Variants in SLC9A1 observed in about 807,000 individuals in gnomAD.
SLC9A1 encodes the protein sodium/hydrogen exchanger 1.
Under a neutral mutation model 67.9 loss-of-function variants are expected in SLC9A1, and 22 were observed. The observed-to-expected ratio is 0.32, with a 90% CI of 0.23 to 0.46. The LOEUF is 0.46. SLC9A1 is among the 20% of genes least tolerant of loss of function. The pLI, the probability that SLC9A1 is intolerant of heterozygous loss-of-function variation, is 1.00. For synonymous variants in SLC9A1, 421 were observed against 471.8 expected (o/e 0.89, Z 1.40); for missense variants, 686 against 1,094.8 (o/e 0.63, Z 5.27).
In SLC9A1 at chr1:27,100,589, A is replaced by T. The variant is rs1045136024; in HGVS notation, c.2166T>A (p.Ala722=). Residue 722 remains alanine (A), a synonymous_variant, in exon 12 of 12, where the codon GCT becomes GCA. Coordinates refer to ENST00000263980, the MANE Select transcript of SLC9A1 (RefSeq NM_003047.5). This position sits in a 1 kb window ranked among gnomAD's most constrained non-coding sequence, Gnocchi z 5.6. The part of the protein sequence containing the change: ...EDLPVITIDP[A]SPQSPESVDL... The stretch of plus-strand genomic sequence containing the variant: ...CCACAGACTCGGGTGACTGCGGGGA[A>T]GCCGGGTCGATGGTGATGACAGGCA... 11 of 1,613,630 alleles carry T rather than the reference A, an allele frequency of 6.8e-6. No homozygotes were observed. The African/African-American group carries it at 1.2e-4, about 18-fold the overall frequency.
At chr1:27,123,676 A>T (rs1211691891) in intron 1 of SLC9A1, among the ~76,000 whole-genome samples, 1 of 147,518 alleles carries the variant, frequency 6.8e-6, no homozygotes, top group African/African-American at 2.5e-5. Context: ...ACACCTGGCT[A>T]ATTTTTGTGT....
chr1:27,153,997 C>T lies in SLC9A1; in HGVS notation c.338G>A (p.Cys113Tyr), dbSNP rs746288802. The T allele has an allele frequency of 6.4e-7, 1 of 1,560,314 alleles. No individual in the cohort carries two copies. The highest frequency in any genetic ancestry group is 8.7e-7 in the Non-Finnish European group (1 of 1,148,056). ...ACGGGACTTACCTATCTTCATGAGG[C>T]AGGCCAGAAGGATCCAGAGGGAGAT... Reference protein sequence around the residue: ...FEISLWILLACLMKIGFHVIP... With the variant: ...FEISLWILLAYLMKIGFHVIP... Residue 113 changes from cysteine (C) to tyrosine (Y), a missense_variant, in exon 1 of 12, where the codon TGC becomes TAC. Cys to Tyr is a radical substitution (Grantham distance 194, BLOSUM62 -2). Coordinates refer to ENST00000263980, the MANE Select transcript of SLC9A1 (RefSeq NM_003047.5).
intron 5 of SLC9A1, among the ~76,000 whole-genome samples, chr1:27,104,174 C>T (rs866198290): frequency 1.2e-4 from 18 of 151,342 alleles, no homozygotes; most frequent in Admixed American, 7.2e-4. Context: ...CTCCACCTCC[C>T]GGGTTCAAGT....
At position 27,106,544 on chromosome 1, in the gene SLC9A1, A is replaced by C. The variant is rs2083186104; in HGVS notation, c.1283-457T>G. ...CCAGAATCCCTGGAGGATGAGGCTC[A>C]GGAATAAAGGGGATTTCAAAAGTGC... On this transcript the variant is annotated intron_variant, in intron 4 of 11. Coordinates refer to ENST00000263980, the MANE Select transcript of SLC9A1 (RefSeq NM_003047.5). The surrounding 1 kb of genome is among the most constrained non-coding windows in gnomAD (Gnocchi z 4.3). Among the ~76,000 whole-genome samples the C allele has an allele frequency of 6.6e-6, 1 of 152,140 alleles. No homozygotes were observed. Among genetic ancestry groups the C allele is most frequent in the Non-Finnish European group, 1.5e-5 (1 of 68,000 alleles).
At position 27,114,188 on chromosome 1, in the gene SLC9A1, C is replaced by T; in HGVS notation, c.451G>A (p.Glu151Lys). The T allele has an allele frequency of 6.2e-7, 1 of 1,614,068 alleles. No individual in the cohort carries two copies. Among genetic ancestry groups the T allele is most frequent in the Non-Finnish European group, 8.5e-7 (1 of 1,179,954 alleles). ...TCGGACTGCAGGAAGGGGGGTGTCT[C>T]GCCTACACCCTTGATCAGGCCCCCC... is the stretch of plus-strand genomic sequence containing the variant. ...LVGGLIKGVGETPPFLQSDVF... is the reference protein window; with the variant it reads ...LVGGLIKGVGKTPPFLQSDVF... The change falls in exon 2 of 12, where the codon GAG becomes AAG. Residue 151 changes from glutamate (E) to lysine (K), a missense_variant. Physicochemically the swap from Glu to Lys is moderately conservative, Grantham distance 56. Coordinates refer to ENST00000263980, the MANE Select transcript of SLC9A1 (RefSeq NM_003047.5). This position sits in a 1 kb window ranked among gnomAD's most constrained non-coding sequence, Gnocchi z 5.4.
chr1:27,127,480 G>C (rs192209003), intron 1 of SLC9A1, among the ~76,000 whole-genome samples: 2 of 152,310 alleles, frequency 1.3e-5, no homozygotes, highest in African/African-American at 4.8e-5. Flanking sequence ...GGTAGCAGCG[G>C]AGGCAGGTCC....
chr1:27,127,742 GCT>G (rs2083355103), intron 1 of SLC9A1, among the ~76,000 whole-genome samples: 2 of 152,334 alleles, frequency 1.3e-5, no homozygotes, highest in Non-Finnish European at 2.9e-5. Context: ...TTTAGTCTCA[GCT>G]CCAGGGACAG....
rs1437759355 is a variant in SLC9A1 at position 27,101,570 on chromosome 1, T to C, written c.2037+155A>G. 2.0e-5 allele frequency among the ~76,000 whole-genome samples: 3 copies of C among 152,152 alleles called. No individual in the cohort carries two copies. The highest frequency in any genetic ancestry group is 4.1e-4 in the South Asian group (2 of 4,834). ...TGCCCCACAACCCCACGCCAATCCC[T>C]TGCTTAGAACTCATGGCTCTCCATG... On this transcript the variant is annotated intron_variant, in intron 10 of 11. Transcript: ENST00000263980. The surrounding 1 kb of genome is among the most constrained non-coding windows in gnomAD (Gnocchi z 4.9).
At chr1:27,149,872 G>A (rs1283313321) in intron 1 of SLC9A1, among the ~76,000 whole-genome samples, 3 of 152,174 alleles carry the variant, frequency 2.0e-5, no homozygotes, top group East Asian at 1.9e-4. Flanking sequence ...GGCAAACTTC[G>A]AGGGTGCTCA....
chr1:27,139,091 C>T (rs2083437910), intron 1 of SLC9A1, among the ~76,000 whole-genome samples: 1 of 152,110 alleles, frequency 6.6e-6, no homozygotes, highest in South Asian at 2.1e-4. Context: ...TTCATCCAGC[C>T]CCGCCCACCT....
At chr1:27,134,440 T>A (rs902413095) in intron 1 of SLC9A1, among the ~76,000 whole-genome samples, 1 of 152,200 alleles carries the variant, frequency 6.6e-6, no homozygotes, top group Non-Finnish European at 1.5e-5. Context: ...CCTCATGGTA[T>A]CTCTCCGAGG....
rs1477938679 is a variant in SLC9A1, at chr1:27,118,056, C to A, written c.353-3770G>T. Among the ~76,000 whole-genome samples, 1 of 152,182 alleles carries A rather than the reference C, an allele frequency of 6.6e-6. No homozygotes were observed. Among genetic ancestry groups the A allele is most frequent in the Non-Finnish European group, 1.5e-5 (1 of 68,024 alleles). ...AGGAGGCTGCATGCACTCAGCCAGG[C>A]CAACCAGGACTGGGTCCCGGGCCTC... On this transcript the variant is annotated intron_variant, in intron 1 of 11. Transcript: ENST00000263980. The surrounding 1 kb of genome is among the most constrained non-coding windows in gnomAD (Gnocchi z 4.3).
At position 27,102,397 on chromosome 1, in the gene SLC9A1, G is replaced by C; in HGVS notation, c.1808C>G (p.Thr603Ser). 1 of 1,590,486 alleles carries C rather than the reference G, an allele frequency of 6.3e-7. No homozygotes were observed. Among genetic ancestry groups the C allele is most frequent in the Non-Finnish European group, 8.6e-7 (1 of 1,163,242 alleles). ...GMGKIPSAVS[T>S]VSMQNIHPKS... is the part of the protein sequence containing the mutation. ...CCCCAGCACTCACTGCATGGAGACGGTGGAGACGGCAGAGGGGATCTTGCC... is the reference window on the plus strand; with the variant it reads ...CCCCAGCACTCACTGCATGGAGACGCTGGAGACGGCAGAGGGGATCTTGCC... Residue 603 changes from threonine (T) to serine (S), a missense_variant, in exon 8 of 12, where the codon ACC becomes AGC. Physicochemically the swap from Thr to Ser is moderately conservative, Grantham distance 58. Transcript: ENST00000263980.
At chr1:27,104,206 C>G (rs1305696385) in intron 5 of SLC9A1, among the ~76,000 whole-genome samples, 1 of 151,818 alleles carries the variant, frequency 6.6e-6, no homozygotes, top group African/African-American at 2.4e-5. Context: ...CTCAGCCTCC[C>G]AAGTAGCTGG....
chr1:27,100,275 G>C lies in SLC9A1; in HGVS notation c.*32C>G. 1 of 1,471,172 alleles carries C rather than the reference G, an allele frequency of 6.8e-7. No homozygotes were observed. The highest frequency in any genetic ancestry group is 9.1e-7 in the Non-Finnish European group (1 of 1,097,218). The allele number at this position is 1,471,172 out of a possible 1,614,324, so 91.1% of individuals were successfully genotyped here. A position where few individuals can be genotyped will look rare whatever the true frequency, so the allele number is the denominator to read the frequency against. The stretch of plus-strand genomic sequence containing the variant: ...CCCCTGCTCTGGTGGAAGAGTCTGT[G>C]AGGGGACAGGCGCTGCCTGCTGGCC... On this transcript the variant is annotated 3_prime_UTR_variant, in exon 12 of 12. Coordinates refer to ENST00000263980, the MANE Select transcript of SLC9A1 (RefSeq NM_003047.5). The surrounding 1 kb of genome is among the most constrained non-coding windows in gnomAD (Gnocchi z 5.6).
intron 1 of SLC9A1, among the ~76,000 whole-genome samples, chr1:27,140,435 A>C (rs1380956521): frequency 1.3e-5 from 2 of 152,110 alleles, no homozygotes; most frequent in Admixed American, 6.5e-5. Context: ...AATGCCCTCC[A>C]GTCCATATAC....
chr1:27,150,288 A>C (rs946364188), intron 1 of SLC9A1, among the ~76,000 whole-genome samples: 3 of 152,158 alleles, frequency 2.0e-5, no homozygotes, highest in Admixed American at 6.5e-5. Flanking sequence ...AAACCAAAAA[A>C]AGCTATAAGA....
Position 27,102,091 on chromosome 1 carries a change from C to A in SLC9A1, c.1860G>T (p.Leu620=). 2 of 1,614,058 alleles carry A rather than the reference C, an allele frequency of 1.2e-6. No individual in the cohort carries two copies. The highest frequency in any genetic ancestry group is 1.3e-5 in the African/African-American group (1 of 75,068). The part of the protein sequence containing the change: ...HPKSLPSERI[L]PALSKDKEEE... ...CCTCCTTGTCCTTGGACAGTGCTGG[C>A]AGGATGCGCTCGGAAGGCAGGGACT... is the stretch of plus-strand genomic sequence containing the variant. The change falls in exon 9 of 12, where the codon CTG becomes CTT. Residue 620 remains leucine, a synonymous_variant. Coordinates refer to ENST00000263980, the MANE Select transcript of SLC9A1 (RefSeq NM_003047.5).
intron 6 of SLC9A1, among the ~76,000 whole-genome samples, chr1:27,102,972 CACCTGGGACCTAT>C (rs1267286934): frequency 6.6e-6 from 1 of 152,186 alleles, no homozygotes; most frequent in Admixed American, 6.5e-5. Flanking sequence ...TCTCTAATCC[CACCTGGGACCTAT>C]GCCTGGGATA....
Sources: allele counts gnomAD v4.1 joint callset (sites outside exome capture counted in the v4.1 genomes callset), GRCh38; gene constraint gnomAD v4.1.1; non-coding constraint Gnocchi (gnomAD v3.1); transcripts MANE v1.5; gene names NCBI Gene and HGNC (gene_info 2026-07-23, HGNC 2026-07-21).